The following MTERF4 variants were observed in gnomAD, a reference collection of about 807,000 sequenced individuals.
The protein encoded by MTERF4 is transcription termination factor 4, mitochondrial.
Under a neutral mutation model 22.5 loss-of-function variants are expected in MTERF4, and 17 were observed. The observed-to-expected ratio is 0.75, with a 90% CI of 0.52 to 1.13. The LOEUF (loss-of-function observed/expected upper bound fraction) is 1.13, where lower values mean the gene tolerates loss of function less well. Ranked by LOEUF, MTERF4 falls within the 50% of genes most tolerant of loss-of-function variation. The pLI is 0.00. For missense variants in MTERF4, 420 were observed against 466.8 expected, an observed-to-expected ratio of 0.90 and a Z score of 0.92; for synonymous variants, 165 against 175.3, an observed-to-expected ratio of 0.94 and a Z score of 0.47.
chr2:241,073,198 G>C lies in MTERF4; in HGVS notation n.2964C>G. 1 of 1,163,218 alleles carries C rather than the reference G, an allele frequency of 8.6e-7. No individual in the cohort carries two copies. Among genetic ancestry groups the C allele is most frequent in the Non-Finnish European group, 1.2e-6 (1 of 803,578 alleles). 72.1% of individuals were successfully genotyped at this position (1,163,218 alleles called of 1,614,324 possible). ...CCCTGAGATATAGAAGCACTCAAAAGGGTGGCCCCAGGACCATCCCGGGTG... is the reference window on the plus strand; with the variant it reads ...CCCTGAGATATAGAAGCACTCAAAACGGTGGCCCCAGGACCATCCCGGGTG... On this transcript the variant is annotated non_coding_transcript_exon_variant, in exon 5 of 5. Coordinates refer to the MTERF4 transcript ENST00000464344. This position sits in a 1 kb window ranked among gnomAD's most constrained non-coding sequence, Gnocchi z 6.6.
At chr2:241,062,696 C>A in the MTERF4 span, 1 of 815,436 alleles carries the variant, frequency 1.2e-6, no homozygotes, top group South Asian at 1.4e-5. Context: ...GATGTATCAT[C>A]GAATTCTGTC....
downstream of MTERF4, chr2:241,069,054 GA>G: frequency 6.9e-7 from 1 of 1,439,252 alleles, no homozygotes; most frequent in Non-Finnish European, 9.5e-7. The surrounding 1 kb of genome is among the most constrained non-coding windows in gnomAD (Gnocchi z 4.9). Flanking sequence ...CCCGGCACAC[GA>G]AAGGCCGTCT....
chr2:241,059,631 T>TC, the MTERF4 span, among the ~76,000 whole-genome samples: 1 of 151,392 alleles, frequency 6.6e-6, no homozygotes, highest in Admixed American at 6.7e-5. Flanking sequence ...GGTCTAACTT[T>TC]TAATGTCAAT....
In MTERF4 at chr2:241,097,370, T is replaced by C; in HGVS notation, c.578A>G (p.Asp193Gly). Residue 193 changes from aspartate to glycine, a missense_variant, in exon 3 of 4, where the codon GAC becomes GGC. Transcript: ENST00000391980. Reference protein sequence around the residue: ...CPEIFTMRQQDINDTVRLLKE... With the variant: ...CPEIFTMRQQGINDTVRLLKE... ...GAGAAGCCTGACAGTGTCGTTAATG[T>C]CCTGCTGGCGCATGGTGAAAATTTC... 1 of 1,614,222 alleles carries C rather than the reference T, an allele frequency of 6.2e-7. No homozygotes were observed. The highest frequency in any genetic ancestry group is 1.1e-5 in the South Asian group (1 of 91,088).
At chr2:241,094,807 G>A (rs748916286), downstream of MTERF4, 4 of 165,632 alleles carry the variant, frequency 2.4e-5, no homozygotes, top group African/African-American at 9.6e-5. This position sits in a 1 kb window ranked among gnomAD's most constrained non-coding sequence, Gnocchi z 4.3. Flanking sequence ...ATCCTAGAAT[G>A]CTACCAAGGA....
intron 4 of MTERF4, chr2:241,081,909 CAGGGA>C: frequency 5.1e-6 from 4 of 785,504 alleles, no homozygotes; most frequent in South Asian, 1.6e-5. Context: ...AGGTGCCAGA[CAGGGA>C]GTCTGGTGCA....
chr2:241,101,581 C>T (rs1450936749), intron 1 of MTERF4, among the ~76,000 whole-genome samples: 3 of 152,262 alleles, frequency 2.0e-5, no homozygotes, highest in African/African-American at 7.2e-5. Flanking sequence ...CAAGCTCTGG[C>T]TGCTCTCCAG....
the MTERF4 span, chr2:241,064,868 C>T: frequency 1.9e-6 from 3 of 1,589,318 alleles, no homozygotes; most frequent in Non-Finnish European, 2.6e-6. The surrounding 1 kb of genome is among the most constrained non-coding windows in gnomAD (Gnocchi z 7.0). Context: ...TTCTCCAGCC[C>T]CTGTGGGGGC....
chr2:241,090,118 CTT>C (rs1193000082), downstream of MTERF4: 2 of 1,489,572 alleles, frequency 1.3e-6, no homozygotes, highest in Non-Finnish European at 1.8e-6. Context: ...CTTTTTAACT[CTT>C]TTTAATAACA....
At chr2:241,090,118 C>T (rs1420553016), downstream of MTERF4, 22 of 1,489,454 alleles carry the variant, frequency 1.5e-5, no homozygotes, top group African/African-American at 2.8e-5. Context: ...CTTTTTAACT[C>T]TTTTTAATAA....
chr2:241,051,605 C>G, the MTERF4 span: 2 of 652,264 alleles, frequency 3.1e-6, no homozygotes, highest in Non-Finnish European at 5.0e-6. This position sits in a 1 kb window ranked among gnomAD's most constrained non-coding sequence, Gnocchi z 4.7. Flanking sequence ...TGCTTGGCCC[C>G]TGCTGCAGCC....
downstream of MTERF4, chr2:241,087,717 T>G: frequency 7.4e-7 from 1 of 1,356,670 alleles, no homozygotes; most frequent in Non-Finnish European, 9.5e-7. Flanking sequence ...TCACTCTGGT[T>G]ATGCATATTC....
chr2:241,069,632 G>A (rs958912510), downstream of MTERF4, among the ~76,000 whole-genome samples: 2 of 152,198 alleles, frequency 1.3e-5, no homozygotes, highest in Non-Finnish European at 1.5e-5. The surrounding 1 kb of genome is among the most constrained non-coding windows in gnomAD (Gnocchi z 4.9). Flanking sequence ...CAGGGGAACC[G>A]ACTGTGCCGC....
chr2:241,087,065 G>A, downstream of MTERF4: 1 of 242,896 alleles, frequency 4.1e-6, no homozygotes, highest in Non-Finnish European at 7.8e-6. Flanking sequence ...CAGGCCTCCG[G>A]CCAGGTGGCT....
downstream of MTERF4, chr2:241,067,738 C>T: frequency 6.3e-7 from 1 of 1,577,124 alleles, no homozygotes; most frequent in Non-Finnish European, 8.7e-7. Flanking sequence ...GGGGCCGGCA[C>T]CTGCTGAACA....
chr2:241,081,794 G>T, intron 4 of MTERF4: 1 of 1,574,038 alleles, frequency 6.4e-7, no homozygotes, highest in East Asian at 2.3e-5. Context: ...TGCGAGCTCG[G>T]TAAGTCGGGG....
chr2:241,071,971 C>A, downstream of MTERF4: 2 of 1,062,330 alleles, frequency 1.9e-6, no homozygotes, highest in Non-Finnish European at 1.4e-6. Context: ...GATGAGCCCA[C>A]CCCCACCGCC....
Position 241,102,285 on chromosome 2 carries a change from G to A in MTERF4, c.-12C>T, listed in dbSNP as rs1472668694. The A allele has an allele frequency of 5.8e-6, 9 of 1,548,728 alleles. No homozygotes were observed. Among genetic ancestry groups the A allele is most frequent in the Non-Finnish European group, 7.9e-6 (9 of 1,145,414 alleles). On this transcript the variant is annotated 5_prime_UTR_variant, in exon 1 of 4. Transcript: ENST00000391980. ...CCGAACGCAGCCATAGCGCGGAGAA[G>A]ATGGCAGCAGTTACGGCGCCGGAAG...
At chr2:241,068,946 T>C, downstream of MTERF4, 1 of 1,555,652 alleles carries the variant, frequency 6.4e-7, no homozygotes, top group Non-Finnish European at 8.7e-7. This position sits in a 1 kb window ranked among gnomAD's most constrained non-coding sequence, Gnocchi z 5.3. Flanking sequence ...ACCATCCAGC[T>C]GACCACCCTC....
Sources: allele counts gnomAD v4.1 joint callset (sites outside exome capture counted in the v4.1 genomes callset), GRCh38; gene constraint gnomAD v4.1.1; non-coding constraint Gnocchi (gnomAD v3.1); transcripts MANE v1.5; gene names NCBI Gene and HGNC (gene_info 2026-07-23, HGNC 2026-07-21).